The following ACOT7 variants were observed in gnomAD, a reference collection of about 807,000 sequenced individuals.
The protein encoded by ACOT7 is acyl-CoA thioesterase 7, also known as cytosolic acyl coenzyme A thioester hydrolase.
ACOT7 carries 12 observed loss-of-function variants against 40.2 expected under a neutral mutation model. That is an observed-to-expected ratio of 0.30 (90% CI 0.19 to 0.48). The LOEUF (loss-of-function observed/expected upper bound fraction) is 0.48. Among genes scored for constraint, ACOT7 ranks in the 20% least tolerant of loss-of-function variants. ACOT7 has a pLI of 0.99. For synonymous variants in ACOT7, 228 were observed against 219.5 expected, an observed-to-expected ratio of 1.04 and a Z score of -0.34; for missense variants, 395 against 530.8, an observed-to-expected ratio of 0.74 and a Z score of 2.51.
rs1469655195 is a variant in ACOT7 at position 6,359,486 on chromosome 1, C to G, written c.144-9620G>C. 6.6e-6 allele frequency: 1 copy of G among 152,486 alleles called. No individual in the cohort carries two copies. Among genetic ancestry groups the G allele is most frequent in the Non-Finnish European group, 1.5e-5 (1 of 68,404 alleles). 9.4% of individuals were successfully genotyped at this position (152,486 alleles called of 1,614,324 possible). On this transcript the variant is annotated intron_variant, in intron 1 of 8. Coordinates refer to ENST00000361521, the MANE Select transcript of ACOT7 (RefSeq NM_007274.4). This position sits in a 1 kb window ranked among gnomAD's most constrained non-coding sequence, Gnocchi z 4.1. ...CCCCTCTTCCTTCCCCCAACCCCTG[C>G]TTCAGAGGATGCCATGCCTGTCTTG...
At chr1:6,331,044 C>T (rs1640938997) in intron 4 of ACOT7, among the ~76,000 whole-genome samples, 1 of 152,148 alleles carries the variant, frequency 6.6e-6, no homozygotes, top group Admixed American at 6.5e-5. Context: ...CAGCCAGGAG[C>T]CCCCATCTGA....
At chr1:6,317,963 C>T (rs1029647951) in intron 6 of ACOT7, among the ~76,000 whole-genome samples, 6 of 152,182 alleles carry the variant, frequency 3.9e-5, no homozygotes, top group African/African-American at 1.4e-4. Flanking sequence ...AACTCCTGAC[C>T]TCAGGTGATC....
intron 1 of ACOT7, among the ~76,000 whole-genome samples, chr1:6,380,933 A>T (rs886831659): frequency 6.6e-6 from 1 of 151,928 alleles, no homozygotes; most frequent in African/African-American, 2.4e-5. Flanking sequence ...TCAACAGAGT[A>T]TAAACACATC....
intron 5 of ACOT7, among the ~76,000 whole-genome samples, chr1:6,318,894 G>C (rs1291140563): frequency 1.3e-5 from 2 of 152,210 alleles, no homozygotes; most frequent in African/African-American, 4.8e-5. Flanking sequence ...GGCTGCGTGT[G>C]ACCCTCCACC....
chr1:6,303,916 G>T (rs57107617), intron 6 of ACOT7, among the ~76,000 whole-genome samples: 9,847 of 152,224 alleles, frequency 0.065, 958 homozygotes, highest in African/African-American at 0.21. Context: ...AAGCAGGGAA[G>T]GGGGGAGGTC....
chr1:6,265,692 C>A (rs1006997127), intron 8 of ACOT7, among the ~76,000 whole-genome samples: 1 of 152,328 alleles, frequency 6.6e-6, no homozygotes, highest in Admixed American at 6.5e-5. Flanking sequence ...GTCCCAACGC[C>A]ATGTTCTGAC....
intron 5 of ACOT7, among the ~76,000 whole-genome samples, chr1:6,321,053 G>C (rs931815733): frequency 6.6e-6 from 1 of 152,176 alleles, no homozygotes; most frequent in Non-Finnish European, 1.5e-5. Context: ...GATGACTCCC[G>C]CCAGGGTCTG....
intron 2 of ACOT7, among the ~76,000 whole-genome samples, chr1:6,347,329 G>A (rs773217015): frequency 8.5e-5 from 13 of 152,220 alleles, no homozygotes; most frequent in Non-Finnish European, 1.6e-4. Flanking sequence ...CGGAGAAGGA[G>A]CAAGGAGGGG....
rs1320239198 is a variant in ACOT7 at position 6,294,335 on chromosome 1, GC to G, written c.829+528del. 6.6e-6 allele frequency among the ~76,000 whole-genome samples: 1 copy of G among 152,244 alleles called. No individual in the cohort carries two copies. Among genetic ancestry groups the G allele is most frequent in the African/African-American group, 2.4e-5 (1 of 41,466 alleles). On this transcript the variant is annotated intron_variant, in intron 7 of 8. Transcript: ENST00000361521. This position sits in a 1 kb window ranked among gnomAD's most constrained non-coding sequence, Gnocchi z 4.6. ...AGCTGGCACACATACCCCAGGGACAGCTGACACCATTTCCAGGCAGGGGCCA... is the reference window on the plus strand; with the variant it reads ...AGCTGGCACACATACCCCAGGGACAGTGACACCATTTCCAGGCAGGGGCCA...
chr1:6,287,275 A>C (rs541300006), intron 7 of ACOT7, among the ~76,000 whole-genome samples: 1 of 152,366 alleles, frequency 6.6e-6, no homozygotes, highest in East Asian at 1.9e-4. Context: ...GGTTTAGGCC[A>C]GGTCGCTGGG....
intron 1 of ACOT7, among the ~76,000 whole-genome samples, chr1:6,351,994 C>T: frequency 6.6e-6 from 1 of 152,196 alleles, no homozygotes; most frequent in East Asian, 1.9e-4. Context: ...ATCAGGAGTA[C>T]ATGCCAGGAA....
At chr1:6,384,423 G>A (rs963030968) in intron 1 of ACOT7, among the ~76,000 whole-genome samples, 1 of 151,852 alleles carries the variant, frequency 6.6e-6, no homozygotes, top group Admixed American at 6.5e-5. Flanking sequence ...ATGTGAAATG[G>A]TGCAGCCACT....
In ACOT7 at chr1:6,289,855, C is replaced by G. The variant is rs1426856457; in HGVS notation, c.829+5009G>C. Among the ~76,000 whole-genome samples the G allele has an allele frequency of 6.6e-6, 1 of 152,150 alleles. No individual in the cohort carries two copies. The highest frequency in any genetic ancestry group is 1.5e-5 in the Non-Finnish European group (1 of 68,038). ...CCAGCTATTTTTCTAATAAAATATG[C>G]TGAAATGGGCACATCAGAAAACCCC... On this transcript the variant is annotated intron_variant, in intron 7 of 8. Coordinates refer to ENST00000361521, the MANE Select transcript of ACOT7 (RefSeq NM_007274.4). This position sits in a 1 kb window ranked among gnomAD's most constrained non-coding sequence, Gnocchi z 4.6.
chr1:6,339,115 G>A (rs971386715), intron 3 of ACOT7, among the ~76,000 whole-genome samples: 7 of 152,136 alleles, frequency 4.6e-5, no homozygotes, highest in Non-Finnish European at 5.9e-5. Flanking sequence ...CTCACAGCCC[G>A]CGCCCAGCCC....
At chr1:6,350,655 G>A (rs566510468) in intron 1 of ACOT7, among the ~76,000 whole-genome samples, 31 of 152,372 alleles carry the variant, frequency 2.0e-4, no homozygotes, top group African/African-American at 6.5e-4. Context: ...TTCACAGGCC[G>A]AGGCCTGGAG....
intron 5 of ACOT7, among the ~76,000 whole-genome samples, chr1:6,320,884 T>A (rs1035113924): frequency 6.6e-6 from 1 of 152,268 alleles, no homozygotes; most frequent in South Asian, 2.1e-4. Flanking sequence ...CCATCGTGTT[T>A]ACACGCAATT....
In ACOT7 at chr1:6,330,053, AGTGTGTGTGTGTGGT is replaced by A. The variant is rs1470971999; in HGVS notation, c.511-2655_511-2641del. ...GGGAGACGCACACATCCAGGAAACC[AGTGTGTGTGTGTGGT>A]GTGTGTGTGTGTGTGCGTGTTCAAG... On this transcript the variant is annotated intron_variant, in intron 4 of 8. Transcript: ENST00000361521. The surrounding 1 kb of genome is among the most constrained non-coding windows in gnomAD (Gnocchi z 4.6). 4.0e-5 allele frequency among the ~76,000 whole-genome samples: 6 copies of A among 151,872 alleles called. No individual in the cohort carries two copies. Among genetic ancestry groups the A allele is most frequent in the Admixed American group, 6.6e-5 (1 of 15,240 alleles).
chr1:6,362,392 T>C (rs571714201), intron 1 of ACOT7, among the ~76,000 whole-genome samples: 9 of 151,360 alleles, frequency 5.9e-5, no homozygotes, highest in South Asian at 2.1e-4. Context: ...GATTGTGCCA[T>C]TGCACTCCAG....
At chr1:6,283,529 A>G (rs57232169) in intron 7 of ACOT7, among the ~76,000 whole-genome samples, 4,725 of 152,306 alleles carry the variant, frequency 0.031, 277 homozygotes, top group African/African-American at 0.11. Context: ...CCACGGCCAG[A>G]TCCTGGCTGC....
Sources: gnomAD v4.1 joint callset for allele counts (sites outside exome capture counted in the v4.1 genomes callset) on GRCh38, gnomAD v4.1.1 for gene constraint, Gnocchi (gnomAD v3.1) non-coding constraint, MANE v1.5 for transcripts, NCBI Gene and HGNC (gene_info 2026-07-23, HGNC 2026-07-21) for gene names.